The following PTPRT variants were observed in gnomAD, a reference collection of about 807,000 sequenced individuals.
PTPRT encodes the protein receptor-type tyrosine-protein phosphatase T.
PTPRT carries 56 observed loss-of-function variants against 176.8 expected under a neutral mutation model. The ratio of observed to expected loss-of-function variants is 0.32; its 90% CI spans 0.26 to 0.40. The LOEUF (loss-of-function observed/expected upper bound fraction) is 0.40, where lower values mean the gene tolerates loss of function less well. Among genes scored for constraint, PTPRT ranks in the 10% least tolerant of loss-of-function variants. The pLI, the probability that PTPRT is intolerant of heterozygous loss-of-function variation, is 1.00. For synonymous variants in PTPRT, 783 were observed against 739.0 expected (o/e 1.06, Z -0.96); for missense variants, 1,540 against 1,908.2 (o/e 0.81, Z 3.60).
At chr20:42,769,957 G>A (rs780587365) in intron 5 of PTPRT, among the ~76,000 whole-genome samples, 1 of 152,172 alleles carries the variant, frequency 6.6e-6, no homozygotes, top group Non-Finnish European at 1.5e-5. Flanking sequence ...GTGACAAACG[G>A]GAGTGGGGAA....
chr20:42,550,040 A>C (rs1761350230), intron 7 of PTPRT, among the ~76,000 whole-genome samples: 1 of 152,178 alleles, frequency 6.6e-6, no homozygotes, highest in African/African-American at 2.4e-5. Context: ...CTGTGGGCTA[A>C]TTTGCAATTG....
chr20:42,177,236 G>T (rs756048577), intron 16 of PTPRT, among the ~76,000 whole-genome samples: 1 of 152,156 alleles, frequency 6.6e-6, no homozygotes. Flanking sequence ...TGCTGATGAT[G>T]CTGGTCCATG....
chr20:42,273,655 T>C (rs1342600737), intron 13 of PTPRT, among the ~76,000 whole-genome samples: 2 of 152,234 alleles, frequency 1.3e-5, no homozygotes, highest in African/African-American at 4.8e-5. Flanking sequence ...GGATTACATA[T>C]CAATACTAAG....
chr20:43,082,503 G>C (rs566528074), intron 1 of PTPRT, among the ~76,000 whole-genome samples: 1 of 152,078 alleles, frequency 6.6e-6, no homozygotes, highest in East Asian at 1.9e-4. Context: ...CTCTACCTGT[G>C]ATCTTTCACA....
intron 5 of PTPRT, among the ~76,000 whole-genome samples, chr20:42,764,673 C>G (rs746861394): frequency 6.6e-5 from 10 of 152,216 alleles, no homozygotes; most frequent in Non-Finnish European, 1.5e-4. Context: ...ATCTACCCAT[C>G]TAAGGCTCAG....
At chr20:42,596,384 G>C (rs978259844) in intron 7 of PTPRT, among the ~76,000 whole-genome samples, 1 of 152,140 alleles carries the variant, frequency 6.6e-6, no homozygotes, top group Non-Finnish European at 1.5e-5. Flanking sequence ...ATCTTCGTTT[G>C]TTCCTCTGAA....
chr20:42,833,674 C>A (rs1329532382), intron 2 of PTPRT, among the ~76,000 whole-genome samples: 1 of 152,088 alleles, frequency 6.6e-6, no homozygotes, highest in Non-Finnish European at 1.5e-5. Context: ...CTGGACTTCT[C>A]AATATTGTGA....
intron 15 of PTPRT, among the ~76,000 whole-genome samples, chr20:42,234,512 T>C (rs16986702): frequency 0.06 from 9,155 of 152,274 alleles, 943 homozygotes; most frequent in African/African-American, 0.21. Context: ...TTTTCAGTAA[T>C]GGGTAAAGCC....
At chr20:43,042,640 G>A (rs3091443) in intron 1 of PTPRT, among the ~76,000 whole-genome samples, 46,472 of 149,298 alleles carry the variant, frequency 0.31, 10,178 homozygotes, top group African/African-American at 0.61. Context: ...TCTTGGTCAA[G>A]CACAAGAGCA....
intron 11 of PTPRT, among the ~76,000 whole-genome samples, chr20:42,345,191 TA>T (rs1277033150): frequency 6.6e-6 from 1 of 151,976 alleles, no homozygotes; most frequent in Admixed American, 6.6e-5. Context: ...TTAATTAAAA[TA>T]AAAATTTTAA....
At chr20:42,831,050 C>A (rs1002894462) in intron 2 of PTPRT, among the ~76,000 whole-genome samples, 5 of 152,104 alleles carry the variant, frequency 3.3e-5, no homozygotes, top group Non-Finnish European at 7.4e-5. Context: ...CATATGGAAC[C>A]AAAAGGGCCT....
chr20:42,871,778 T>C (rs2078850751), intron 2 of PTPRT, among the ~76,000 whole-genome samples: 1 of 152,210 alleles, frequency 6.6e-6, no homozygotes, highest in Non-Finnish European at 1.5e-5. Flanking sequence ...TATTTGACCA[T>C]GTATGTGAGA....
chr20:42,162,756 C>T (rs1027892748), intron 16 of PTPRT, among the ~76,000 whole-genome samples: 4 of 152,230 alleles, frequency 2.6e-5, no homozygotes, highest in African/African-American at 7.2e-5. Context: ...GCATATATTC[C>T]CAATTTTCTG....
rs1568801750 is a variant in PTPRT, at chr20:42,352,165, T to C, written c.1681A>G (p.Thr561Ala). 1 of 1,614,156 alleles carries C rather than the reference T, an allele frequency of 6.2e-7. No homozygotes were observed. Among genetic ancestry groups the C allele is most frequent in the Non-Finnish European group, 8.5e-7 (1 of 1,180,036 alleles). The change falls in exon 10 of 31, where the codon ACC (threonine) becomes GCC (alanine). Residue 561 changes from threonine to alanine, a missense_variant. By Grantham distance (58) the Thr-to-Ala change is moderately conservative. Around this residue, in one of 11 missense-constraint regions of PTPRT, gnomAD observed 136 missense variants for 135.0 expected, o/e 1.01. Coordinates refer to ENST00000373187, the MANE Select transcript of PTPRT (RefSeq NM_007050.6). ...CTGGCCTTGATGGTGAAGGAATAGGTGGTCCCTGGGTACAGACCCACAAAG... is the reference window on the plus strand; with the variant it reads ...CTGGCCTTGATGGTGAAGGAATAGGCGGTCCCTGGGTACAGACCCACAAAG... ...HLFVGLYPGT[T>A]YSFTIKASTA...
At chr20:42,506,711 C>T (rs1340926341) in intron 7 of PTPRT, among the ~76,000 whole-genome samples, 1 of 151,904 alleles carries the variant, frequency 6.6e-6, no homozygotes, top group Non-Finnish European at 1.5e-5. Flanking sequence ...GGTATTATTC[C>T]CATTATTTAT....
At chr20:42,530,795 G>A (rs1032350670) in intron 7 of PTPRT, among the ~76,000 whole-genome samples, 3 of 152,148 alleles carry the variant, frequency 2.0e-5, no homozygotes, top group Admixed American at 1.3e-4. Flanking sequence ...GTGCATCCAG[G>A]AGCCCTACTT....
intron 6 of PTPRT, among the ~76,000 whole-genome samples, chr20:42,678,766 C>G (rs1046186321): frequency 6.6e-6 from 1 of 152,196 alleles, no homozygotes; most frequent in African/African-American, 2.4e-5. Flanking sequence ...TCCCAGAACA[C>G]AGCAAAGCTG....
At chr20:42,306,678 A>C (rs2057548189) in intron 12 of PTPRT, among the ~76,000 whole-genome samples, 2 of 152,324 alleles carry the variant, frequency 1.3e-5, no homozygotes, top group African/African-American at 4.8e-5. Flanking sequence ...GCCTTGGCTC[A>C]GCTACCGATG....
At chr20:42,160,305 C>T (rs1989533798) in intron 17 of PTPRT, among the ~76,000 whole-genome samples, 1 of 152,208 alleles carries the variant, frequency 6.6e-6, no homozygotes, top group South Asian at 2.1e-4. Flanking sequence ...CAGCTGGAGT[C>T]TAACTGCAAC....
Sources: allele counts gnomAD v4.1 joint callset (sites outside exome capture counted in the v4.1 genomes callset), GRCh38; gene constraint gnomAD v4.1.1; regional missense constraint gnomAD v4.1.1; transcripts MANE v1.5; gene names NCBI Gene and HGNC (gene_info 2026-07-23, HGNC 2026-07-21).